KIF16B: variants seen among roughly 807,000 people sequenced by gnomAD.
The protein encoded by KIF16B is kinesin family member 16B.
KIF16B carries 98 observed loss-of-function variants against 156.3 expected under a neutral mutation model. The observed-to-expected ratio is 0.63, with a 90% CI of 0.53 to 0.74. The LOEUF is 0.74. Ranked by LOEUF, KIF16B falls within the 30% of genes least tolerant of loss-of-function variation. The pLI is 0.00. For synonymous variants in KIF16B, 564 were observed against 583.7 expected (o/e 0.97, Z 0.49); for missense variants, 1,421 against 1,606.5 (o/e 0.88, Z 1.97).
intron 12 of KIF16B, among the ~76,000 whole-genome samples, chr20:16,460,521 C>T (rs1451273226): frequency 1.3e-5 from 2 of 151,754 alleles, no homozygotes; most frequent in Non-Finnish European, 2.9e-5. Flanking sequence ...GAGATCGCAC[C>T]ACTGCACTCA....
intron 24 of KIF16B, among the ~76,000 whole-genome samples, chr20:16,322,254 C>T (rs1479279467): frequency 6.6e-6 from 1 of 151,836 alleles, no homozygotes; most frequent in Admixed American, 6.6e-5. Context: ...TGAGGCCTAC[C>T]GATTTCCAAT....
Position 16,573,296 on chromosome 20 carries a change from G to T in KIF16B, c.-21C>A. On this transcript the variant is annotated 5_prime_UTR_variant, in exon 1 of 26. Transcript: ENST00000354981. ...GCCATCGCTCATCCCGAACCAGCCC[G>T]CGCGGGGTCCCACTAGCCCAGAACT... The T allele has an allele frequency of 6.2e-7, 1 of 1,609,056 alleles. No individual in the cohort carries two copies. Among genetic ancestry groups the T allele is most frequent in the Non-Finnish European group, 8.5e-7 (1 of 1,178,572 alleles).
At chr20:16,304,237 A>G (rs1162103555) in intron 25 of KIF16B, among the ~76,000 whole-genome samples, 1 of 152,232 alleles carries the variant, frequency 6.6e-6, no homozygotes, top group Non-Finnish European at 1.5e-5. Context: ...ATTACTGCTC[A>G]TGAAAACCAA....
intron 17 of KIF16B, among the ~76,000 whole-genome samples, chr20:16,393,837 C>T (rs747118346): frequency 1.3e-5 from 2 of 152,072 alleles, no homozygotes; most frequent in African/African-American, 2.4e-5. Flanking sequence ...ATTTTGGAGA[C>T]AATGTAGGAT....
chr20:16,406,268 C>T (rs146714703), intron 16 of KIF16B, 106 bp downstream of exon 16: 54 of 890,432 alleles, frequency 6.1e-5, no homozygotes, highest in African/African-American at 1.7e-4. Flanking sequence ...TACTTTTCCA[C>T]GGTTCTGCAC....
intron 25 of KIF16B, among the ~76,000 whole-genome samples, chr20:16,286,921 G>T (rs1362462152): frequency 6.6e-6 from 1 of 152,214 alleles, no homozygotes; most frequent in East Asian, 1.9e-4. Context: ...TGGGTGACTT[G>T]AGAGCCCCAG....
At chr20:16,556,508 C>G (rs1394225263) in intron 1 of KIF16B, among the ~76,000 whole-genome samples, 2 of 152,174 alleles carry the variant, frequency 1.3e-5, no homozygotes, top group South Asian at 2.1e-4. Flanking sequence ...TGTGTCTATT[C>G]TTGCCCCCTG....
chr20:16,453,309 G>A (rs6111137), intron 12 of KIF16B, among the ~76,000 whole-genome samples: 51,835 of 151,682 alleles, frequency 0.34, 10,047 homozygotes, highest in African/African-American at 0.52. Flanking sequence ...TATATAAAAT[G>A]AATGAAAAAA....
At chr20:16,284,250 T>C (rs1601487811) in intron 25 of KIF16B, among the ~76,000 whole-genome samples, 1 of 152,186 alleles carries the variant, frequency 6.6e-6, no homozygotes, top group African/African-American at 2.4e-5. Context: ...AAGGACCTAA[T>C]TGTACCTCCA....
intron 3 of KIF16B, 49 bp from the exon 4 acceptor site, chr20:16,515,713 AT>A (rs1167680220): frequency 4.9e-6 from 5 of 1,017,832 alleles, no homozygotes; most frequent in Non-Finnish European, 7.7e-6. Context: ...ATAGATTTTA[AT>A]AATAGCCCCT....
intron 17 of KIF16B, among the ~76,000 whole-genome samples, chr20:16,393,301 T>G (rs2065415111): frequency 6.6e-6 from 1 of 152,228 alleles, no homozygotes; most frequent in African/African-American, 2.4e-5. Flanking sequence ...CACTTTATAA[T>G]GGGAGTAACT....
At chr20:16,550,989 G>A (rs996850764) in intron 1 of KIF16B, among the ~76,000 whole-genome samples, 1 of 152,134 alleles carries the variant, frequency 6.6e-6, no homozygotes, top group African/African-American at 2.4e-5. Context: ...GAAAATGCTG[G>A]CTGATGTGAT....
At chr20:16,363,843 G>C (rs2064601492) in intron 22 of KIF16B, among the ~76,000 whole-genome samples, 1 of 152,124 alleles carries the variant, frequency 6.6e-6, no homozygotes, top group Non-Finnish European at 1.5e-5. Flanking sequence ...GAAATTTGGG[G>C]GGGTTGTTTG....
intron 12 of KIF16B, among the ~76,000 whole-genome samples, chr20:16,460,582 A>C (rs1397372422): frequency 6.6e-6 from 1 of 152,144 alleles, no homozygotes; most frequent in Non-Finnish European, 1.5e-5. Flanking sequence ...AAATATTCGC[A>C]ATGAGCCTTA....
chr20:16,296,272 C>A (rs897532503), intron 25 of KIF16B, among the ~76,000 whole-genome samples: 1 of 152,168 alleles, frequency 6.6e-6, no homozygotes, highest in Non-Finnish European at 1.5e-5. Context: ...GTCTACGCCA[C>A]TTGTGATATC....
At position 16,528,419 on chromosome 20, in the gene KIF16B, C is replaced by G. The variant is rs773274569; in HGVS notation, c.69G>C (p.Lys23Asn). The part of the protein sequence containing the change: ...MNRREKDLEA[K>N]FIIQMEKSKT... Reference sequence around the variant, plus strand: ...TGCTTTTCTCCATCTGAATAATGAACTTGGCCTCCAAGTCCTTTTCCCTGC... The same window carrying G: ...TGCTTTTCTCCATCTGAATAATGAAGTTGGCCTCCAAGTCCTTTTCCCTGC... The change falls in exon 2 of 26, where the codon AAG (lysine) becomes AAC (asparagine). Residue 23 changes from lysine to asparagine, a missense_variant. Lys to Asn is a moderately conservative substitution (Grantham distance 94, BLOSUM62 0). Coordinates refer to ENST00000354981, the MANE Select transcript of KIF16B (RefSeq NM_024704.5). 13 of 1,613,498 alleles carry G rather than the reference C, an allele frequency of 8.1e-6. No homozygotes were observed. The East Asian group carries it at 2.9e-4, about 36-fold the overall frequency.
intron 24 of KIF16B, among the ~76,000 whole-genome samples, chr20:16,330,034 G>C (rs978055322): frequency 6.6e-6 from 1 of 152,092 alleles, no homozygotes; most frequent in African/African-American, 2.4e-5. Context: ...ATTAAAACAA[G>C]GACTAAATTT....
intron 19 of KIF16B, among the ~76,000 whole-genome samples, chr20:16,374,829 A>C (rs554051013): frequency 1.3e-5 from 2 of 152,312 alleles, no homozygotes; most frequent in East Asian, 3.9e-4. Flanking sequence ...AAAACCACCA[A>C]TCTAGGAGAA....
intron 1 of KIF16B, among the ~76,000 whole-genome samples, chr20:16,555,987 A>G (rs906100490): frequency 2.6e-5 from 4 of 152,196 alleles, no homozygotes; most frequent in Non-Finnish European, 5.9e-5. Context: ...GTTACCCTGG[A>G]AACAAGGTTC....
Sources: gnomAD v4.1 joint callset for allele counts (sites outside exome capture counted in the v4.1 genomes callset) on GRCh38, gnomAD v4.1.1 for gene constraint, MANE v1.5 for transcripts, NCBI Gene and HGNC (gene_info 2026-07-23, HGNC 2026-07-21) for gene names.